MARCHF1: variants seen among roughly 807,000 people sequenced by gnomAD.
The protein encoded by MARCHF1 is membrane associated ring-CH-type finger 1, also known as E3 ubiquitin-protein ligase MARCHF1.
Under a neutral mutation model 54.2 loss-of-function variants are expected in MARCHF1, and 40 were observed. That is an observed-to-expected ratio of 0.74 (90% CI 0.57 to 0.96). The LOEUF (loss-of-function observed/expected upper bound fraction) is 0.96. Among genes scored for constraint, MARCHF1 ranks in the 40% least tolerant of loss-of-function variants. MARCHF1 has a pLI of 0.00. For missense variants in MARCHF1, 586 were observed against 656.5 expected, an observed-to-expected ratio of 0.89 and a Z score of 1.17; for synonymous variants, 236 against 236.3, an observed-to-expected ratio of 1.00 and a Z score of 0.01.
chr4:164,321,646 T>G (rs1735145625), intron 1 of MARCHF1, among the ~76,000 whole-genome samples: 1 of 151,990 alleles, frequency 6.6e-6, no homozygotes, highest in South Asian at 2.1e-4. Flanking sequence ...CCTAGAACCA[T>G]GATAAGGTGT....
chr4:164,375,945 G>T (rs1374714569), intron 1 of MARCHF1, among the ~76,000 whole-genome samples: 1 of 152,078 alleles, frequency 6.6e-6, no homozygotes, highest in Non-Finnish European at 1.5e-5. Context: ...GACCTCCCTG[G>T]CTGAGTCAAA....
chr4:164,142,496 T>A (rs1294420043), intron 1 of MARCHF1, among the ~76,000 whole-genome samples: 1 of 152,126 alleles, frequency 6.6e-6, no homozygotes, highest in Admixed American at 6.5e-5. Context: ...GACAGCCTCC[T>A]CAAGTGGGTC....
rs1402522937 is a variant in MARCHF1, at chr4:163,790,803, C to A, written c.111+63218G>T. Among the ~76,000 whole-genome samples the A allele has an allele frequency of 2.0e-5, 3 of 152,018 alleles. 1 individual carries two copies. In the East Asian group the frequency reaches 5.8e-4, roughly 29 times the overall value. On this transcript the variant is annotated intron_variant, in intron 4 of 9. Coordinates refer to ENST00000514618, the MANE Select transcript of MARCHF1 (RefSeq NM_001394959.1). Reference sequence around the variant, plus strand: ...GAACAAAAACATGGAGCTACATGCCCAGCAGTGGCATGAGGGATAAAAACA... The same window carrying A: ...GAACAAAAACATGGAGCTACATGCCAAGCAGTGGCATGAGGGATAAAAACA...
intron 2 of MARCHF1, among the ~76,000 whole-genome samples, chr4:164,033,342 T>C (rs1753919019): frequency 6.6e-6 from 1 of 151,958 alleles, no homozygotes; most frequent in Non-Finnish European, 1.5e-5. Context: ...ACTGAGGCAA[T>C]ACCATTCAAG....
At chr4:164,218,223 G>A (rs1220088102) in intron 1 of MARCHF1, among the ~76,000 whole-genome samples, 1 of 152,088 alleles carries the variant, frequency 6.6e-6, no homozygotes, top group Admixed American at 6.6e-5. Flanking sequence ...GAGACCTTAT[G>A]GAAATAGCTA....
At chr4:163,982,969 G>T (rs1752792060) in intron 3 of MARCHF1, among the ~76,000 whole-genome samples, 1 of 152,178 alleles carries the variant, frequency 6.6e-6, no homozygotes, top group South Asian at 2.1e-4. Context: ...GTGATACACG[G>T]ATTATTTTAA....
chr4:163,716,630 A>G (rs958052072), intron 4 of MARCHF1, among the ~76,000 whole-genome samples: 3 of 152,188 alleles, frequency 2.0e-5, no homozygotes, highest in Admixed American at 2.0e-4. Flanking sequence ...GCTCATTTGC[A>G]CTATAGTAGC....
chr4:163,649,762 G>A (rs1338970216), intron 5 of MARCHF1, among the ~76,000 whole-genome samples: 3 of 151,562 alleles, frequency 2.0e-5, no homozygotes, highest in African/African-American at 7.3e-5. Flanking sequence ...TTCATGCCTG[G>A]TTCTGTCATT....
At chr4:164,301,604 T>C (rs1734563647) in intron 1 of MARCHF1, among the ~76,000 whole-genome samples, 1 of 151,958 alleles carries the variant, frequency 6.6e-6, no homozygotes, top group South Asian at 2.1e-4. Context: ...GTGGGCAAAA[T>C]TACCCAAGAA....
At chr4:163,816,963 T>C (rs1370813555) in intron 4 of MARCHF1, among the ~76,000 whole-genome samples, 1 of 152,098 alleles carries the variant, frequency 6.6e-6, no homozygotes, top group African/African-American at 2.4e-5. Context: ...TTCAACCTAA[T>C]TTGCTTGGTG....
intron 7 of MARCHF1, among the ~76,000 whole-genome samples, chr4:163,609,978 T>A (rs564654344): frequency 6.6e-6 from 1 of 152,188 alleles, no homozygotes; most frequent in South Asian, 2.1e-4. Flanking sequence ...TCCAACCTAG[T>A]CATATAAGTT....
chr4:163,900,339 C>A, intron 3 of MARCHF1, among the ~76,000 whole-genome samples: 1 of 145,722 alleles, frequency 6.9e-6, no homozygotes, highest in African/African-American at 2.5e-5. Context: ...AGTATAGGTC[C>A]TTTTTTTTTT....
At chr4:164,102,809 C>A (rs1219072542) in intron 2 of MARCHF1, among the ~76,000 whole-genome samples, 6 of 139,196 alleles carry the variant, frequency 4.3e-5, no homozygotes, top group African/African-American at 1.7e-4. Context: ...AATTAAAAGA[C>A]ACAGACTGGC....
chr4:163,996,839 C>A (rs1470285874), intron 2 of MARCHF1, among the ~76,000 whole-genome samples: 1 of 152,030 alleles, frequency 6.6e-6, no homozygotes, highest in African/African-American at 2.4e-5. Context: ...TCCCACAAAT[C>A]AAGGAACTAC....
At chr4:163,818,375 C>T (rs1272992256) in intron 4 of MARCHF1, among the ~76,000 whole-genome samples, 3 of 151,868 alleles carry the variant, frequency 2.0e-5, no homozygotes, top group South Asian at 2.1e-4. Flanking sequence ...TAGGTATTAA[C>T]CCCAGCATCC....
chr4:163,674,803 A>C (rs889197733), intron 5 of MARCHF1, among the ~76,000 whole-genome samples: 1 of 152,236 alleles, frequency 6.6e-6, no homozygotes, highest in Non-Finnish European at 1.5e-5. Context: ...AGATTGCAGC[A>C]ATATGAAATC....
chr4:163,661,646 T>A (rs1296573351), intron 5 of MARCHF1, among the ~76,000 whole-genome samples: 2 of 152,080 alleles, frequency 1.3e-5, no homozygotes, highest in Non-Finnish European at 2.9e-5. Context: ...ATAAACAACA[T>A]ATTTAAAGCA....
At chr4:163,939,800 C>A (rs1030959322) in intron 3 of MARCHF1, among the ~76,000 whole-genome samples, 1 of 152,110 alleles carries the variant, frequency 6.6e-6, no homozygotes, top group African/African-American at 2.4e-5. Flanking sequence ...CAGCTGATGT[C>A]AGCATAACAT....
intron 4 of MARCHF1, among the ~76,000 whole-genome samples, chr4:163,723,667 G>A (rs1401415073): frequency 1.3e-5 from 2 of 152,190 alleles, no homozygotes; most frequent in Non-Finnish European, 2.9e-5. Flanking sequence ...ACACCAAACA[G>A]ATGTAGATTT....
Sources: gnomAD v4.1 joint callset for allele counts (sites outside exome capture counted in the v4.1 genomes callset) on GRCh38, gnomAD v4.1.1 for gene constraint, MANE v1.5 for transcripts, NCBI Gene and HGNC (gene_info 2026-07-23, HGNC 2026-07-21) for gene names.